EOGT: variants seen among roughly 807,000 people sequenced by gnomAD.
The protein encoded by EOGT is EGF domain-specific O-linked N-acetylglucosamine transferase.
Under a neutral mutation model 70.5 loss-of-function variants are expected in EOGT, and 55 were observed. That is an observed-to-expected ratio of 0.78 (90% confidence interval 0.63 to 0.98). The LOEUF is 0.98. Among genes scored for constraint, EOGT ranks in the 50% least tolerant of loss-of-function variants. The pLI is 0.00. For missense variants in EOGT, 703 were observed against 641.9 expected (o/e 1.10, Z -1.03); for synonymous variants, 246 against 217.1 (o/e 1.13, Z -1.17).
At chr3:68,997,171 T>A (rs2091174229) in intron 10 of EOGT, among the ~76,000 whole-genome samples, 1 of 152,076 alleles carries the variant, frequency 6.6e-6, no homozygotes, top group Admixed American at 6.6e-5. Context: ...ATAGCAGGTG[T>A]CACTCAACAC....
rs563586241 is a variant in EOGT, at chr3:68,980,741, G to A, written c.1215-954C>T. Among the ~76,000 whole-genome samples, 116 of 152,336 alleles carry A rather than the reference G, an allele frequency of 7.6e-4. 1 individual carries two copies. In the Middle Eastern group the frequency reaches 0.01, roughly 13 times the overall value. On this transcript the variant is annotated intron_variant, in intron 15 of 17. Coordinates refer to ENST00000383701, the MANE Select transcript of EOGT (RefSeq NM_001278689.2). The stretch of plus-strand genomic sequence containing the variant: ...CATGTGCCTCAGTTTCTCCAGGAAT[G>A]TGAACTGATGCCAAGGGAAGGACGG...
chr3:69,004,246 A>G lies in EOGT; in HGVS notation c.620+132T>C, dbSNP rs2091378372. 4.6e-6 allele frequency: 3 copies of G among 655,958 alleles called. No individual in the cohort carries two copies. The East Asian group carries it at 8.0e-5, about 18-fold the overall frequency. 40.6% of individuals were successfully genotyped at this position (655,958 alleles called of 1,614,324 possible). On this transcript the variant is annotated intron_variant, in intron 8 of 17. Coordinates refer to ENST00000383701, the MANE Select transcript of EOGT (RefSeq NM_001278689.2). ...CTGAGGGATTCACTCGGTTTCCGTC[A>G]CTTCCCAGAAGCTCATGCCAAATTA...
At position 69,012,805 on chromosome 3, in the gene EOGT, G is replaced by C. The variant is rs368475161; in HGVS notation, c.-355-6C>G. 3 of 152,290 alleles carry C rather than the reference G, an allele frequency of 2.0e-5. No homozygotes were observed. Among genetic ancestry groups the C allele is most frequent in the Admixed American group, 2.0e-4 (3 of 15,284 alleles). 9.4% of individuals were successfully genotyped at this position (152,290 alleles called of 1,614,324 possible). On this transcript the variant is annotated splice_polypyrimidine_tract_variant and splice_region_variant and intron_variant, in intron 1 of 17. Transcript: ENST00000383701. Reference sequence around the variant, plus strand: ...TTGATTCGATTTCCACAGGCCTAATGAGGAAGGAAAAAAGGGAAACATCTG... The same window carrying C: ...TTGATTCGATTTCCACAGGCCTAATCAGGAAGGAAAAAAGGGAAACATCTG...
chr3:68,998,148 A>G, intron 9 of EOGT, 34 bp from the exon 10 acceptor site: 2 of 1,136,516 alleles, frequency 1.8e-6, no homozygotes, highest in Non-Finnish European at 2.6e-6. Flanking sequence ...ATTAATTAAC[A>G]CCAAAGAGCA....
chr3:68,993,912 G>C (rs1191698134), intron 10 of EOGT, among the ~76,000 whole-genome samples: 1 of 152,078 alleles, frequency 6.6e-6, no homozygotes, highest in African/African-American at 2.4e-5. Context: ...AATAACACAG[G>C]AAAGACTGGC....
chr3:68,976,670 G>GTGTGTGTGTGTGTC lies in EOGT; in HGVS notation c.*947_*948insGACACACACACACA, dbSNP rs2090480966. The GTGTGTGTGTGTGTC allele has an allele frequency of 6.6e-6, 1 of 152,328 alleles. No individual in the cohort carries two copies. The highest frequency in any genetic ancestry group is 1.5e-5 in the Non-Finnish European group (1 of 68,226). The allele number at this position is 152,328 out of a possible 1,614,324, so 9.4% of individuals were successfully genotyped here. ...TGTGTGTGTGTGTGTGTGTGTGTGT[G>GTGTGTGTGTGTGTC]TATGTTTTGCATGTTTTCCTTTCCT... On this transcript the variant is annotated 3_prime_UTR_variant, in exon 18 of 18. Coordinates refer to ENST00000383701, the MANE Select transcript of EOGT (RefSeq NM_001278689.2).
At chr3:68,980,896 T>C (rs977107835) in intron 15 of EOGT, among the ~76,000 whole-genome samples, 1 of 152,166 alleles carries the variant, frequency 6.6e-6, no homozygotes, top group Non-Finnish European at 1.5e-5. Context: ...TTCATTATCA[T>C]TCTTGCTTAT....
At position 68,982,866 on chromosome 3, in the gene EOGT, T is replaced by C; in HGVS notation, c.1159A>G (p.Asn387Asp). 1 of 1,601,760 alleles carries C rather than the reference T, an allele frequency of 6.2e-7. No homozygotes were observed. The highest frequency in any genetic ancestry group is 8.5e-7 in the Non-Finnish European group (1 of 1,174,082). Residue 387 changes from asparagine (N) to aspartate (D), a missense_variant, in exon 15 of 18, where the codon AAT becomes GAT. Coordinates refer to ENST00000383701, the MANE Select transcript of EOGT (RefSeq NM_001278689.2). The part of the protein sequence containing the change: ...RKILNQNELV[N>D]ALKTVSTFEV... ...AATGTAGATACTGTTTTCAGTGCAT[T>C]TACAAGCTGGGAAAAAAAGAGAAAC...
chr3:69,008,708 TAAC>T (rs1458687224), intron 4 of EOGT, among the ~76,000 whole-genome samples, 180 bp from the exon 5 acceptor site: 1 of 152,226 alleles, frequency 6.6e-6, no homozygotes, highest in Non-Finnish European at 1.5e-5. Context: ...TCAAGGTTCT[TAAC>T]AATCCTCCTT....
chr3:68,993,501 T>C lies in EOGT; in HGVS notation c.832-4484A>G, dbSNP rs146782946. 4.5e-3 allele frequency among the ~76,000 whole-genome samples: 683 copies of C among 152,262 alleles called. 5 individuals carry two copies. The highest frequency in any genetic ancestry group is 0.015 in the African/African-American group (633 of 41,550). On this transcript the variant is annotated intron_variant, in intron 10 of 17. Coordinates refer to ENST00000383701, the MANE Select transcript of EOGT (RefSeq NM_001278689.2). ...TTTATTGTCCATATCACTATCAGCATTTTGGGCAAAGCTATTCAACAAGTC... is the reference window on the plus strand; with the variant it reads ...TTTATTGTCCATATCACTATCAGCACTTTGGGCAAAGCTATTCAACAAGTC...
chr3:68,985,188 G>A lies in EOGT; in HGVS notation c.1152+2257C>T, dbSNP rs138760077. Among the ~76,000 whole-genome samples the A allele has an allele frequency of 2.6e-5, 4 of 152,300 alleles. No homozygotes were observed. In the East Asian group the frequency reaches 5.8e-4, roughly 22 times the overall value. On this transcript the variant is annotated intron_variant, in intron 14 of 17. Coordinates refer to ENST00000383701, the MANE Select transcript of EOGT (RefSeq NM_001278689.2). Reference sequence around the variant, plus strand: ...ATATACTGTTGATCTGTTGGCTAGTGAGGCTTCTCATTTGTATTCCCAACA... The same window carrying A: ...ATATACTGTTGATCTGTTGGCTAGTAAGGCTTCTCATTTGTATTCCCAACA...
chr3:68,988,294 C>A lies in EOGT; in HGVS notation c.1083+1G>T. On this transcript the variant is annotated splice_donor_variant, in intron 13 of 17. Coordinates refer to ENST00000383701, the MANE Select transcript of EOGT (RefSeq NM_001278689.2). LOFTEE classifies it high-confidence loss of function. ...CTCAGAATCCGCAGTGTATCCATTA[C>A]CTTAGGTCCTTCTTGTGTGATGTTT... is the stretch of plus-strand genomic sequence containing the variant. 6.5e-7 allele frequency: 1 copy of A among 1,533,490 alleles called. No individual in the cohort carries two copies. Among genetic ancestry groups the A allele is most frequent in the Non-Finnish European group, 8.7e-7 (1 of 1,144,524 alleles). The allele number at this position is 1,533,490 out of a possible 1,614,324, so 95.0% of individuals were successfully genotyped here.
Position 69,007,719 on chromosome 3 carries a change from C to G in EOGT, c.414G>C (p.Lys138Asn). The change falls in exon 6 of 18, where the codon AAG becomes AAC. Residue 138 changes from lysine (K) to asparagine (N), a missense_variant. Lys to Asn is a moderately conservative substitution (Grantham distance 94). Transcript: ENST00000383701. ...LEEMHVLCQP[K>N]ETSDSSLVCS... ...TAAGGAGCAAAATACCCACCGTTTC[C>G]TTAGGCTGACAGAGCACATGCATCT... is the stretch of plus-strand genomic sequence containing the variant. 1 of 1,597,738 alleles carries G rather than the reference C, an allele frequency of 6.3e-7. No homozygotes were observed. Among genetic ancestry groups the G allele is most frequent in the African/African-American group, 1.3e-5 (1 of 74,194 alleles).
At chr3:69,004,070 T>C (rs926824310) in intron 8 of EOGT, among the ~76,000 whole-genome samples, 1 of 152,202 alleles carries the variant, frequency 6.6e-6, no homozygotes, top group Non-Finnish European at 1.5e-5. Context: ...AAAATTAACA[T>C]TATGTAAGTA....
At chr3:69,009,189 C>T (rs1029351869) in intron 4 of EOGT, among the ~76,000 whole-genome samples, 1 of 152,140 alleles carries the variant, frequency 6.6e-6, no homozygotes, top group Non-Finnish European at 1.5e-5. Context: ...CTATTTGAGG[C>T]CTTTCCAACT....
chr3:68,988,632 A>T, intron 11 of EOGT, 55 bp from the exon 12 acceptor site: 1 of 1,038,324 alleles, frequency 9.6e-7, no homozygotes, highest in Non-Finnish European at 1.4e-6. Flanking sequence ...CACACCAAAA[A>T]TAGCACGTAT....
chr3:69,008,233 C>T (rs1419300117), intron 5 of EOGT, among the ~76,000 whole-genome samples, 195 bp downstream of exon 5: 1 of 152,164 alleles, frequency 6.6e-6, no homozygotes, highest in Non-Finnish European at 1.5e-5. Context: ...GCTGTTTCTC[C>T]CTCTGGCAGA....
At chr3:68,985,990 T>C (rs868062004) in intron 14 of EOGT, among the ~76,000 whole-genome samples, 4 of 152,162 alleles carry the variant, frequency 2.6e-5, no homozygotes, top group African/African-American at 9.7e-5. Flanking sequence ...CCATGACTCA[T>C]AGGCCTGCCC....
chr3:68,988,942 T>C lies in EOGT; in HGVS notation c.907A>G (p.Thr303Ala), dbSNP rs761998355. Reference sequence around the variant, plus strand: ...TCCAGTACCCTTTTGGAATCATAAGTTTTCAAATGTATAACGTCATAATCA... The same window carrying C: ...TCCAGTACCCTTTTGGAATCATAAGCTTTCAAATGTATAACGTCATAATCA... ...FTDYDVIHLKTYDSKRVCFKE... is the reference protein window; with the variant it reads ...FTDYDVIHLKAYDSKRVCFKE... Residue 303 changes from threonine to alanine, a missense_variant, in exon 11 of 18, where the codon ACT becomes GCT. Thr to Ala is a moderately conservative substitution (Grantham distance 58, BLOSUM62 0). Coordinates refer to ENST00000383701, the MANE Select transcript of EOGT (RefSeq NM_001278689.2). 2.2e-5 allele frequency: 34 copies of C among 1,524,884 alleles called. No homozygotes were observed. The highest frequency in any genetic ancestry group is 2.9e-5 in the Non-Finnish European group (33 of 1,140,190). The allele number at this position is 1,524,884 out of a possible 1,614,324, so 94.5% of individuals were successfully genotyped here.
Sources: gnomAD v4.1 joint callset for allele counts (sites outside exome capture counted in the v4.1 genomes callset) on GRCh38, gnomAD v4.1.1 for gene constraint, MANE v1.5 for transcripts, NCBI Gene and HGNC (gene_info 2026-07-23, HGNC 2026-07-21) for gene names.